The following SEMA6A variants were observed in gnomAD, a reference collection of about 807,000 sequenced individuals.
SEMA6A encodes semaphorin-6A.
In SEMA6A, 25 loss-of-function variants were observed where a neutral mutation model predicts 96.8. The ratio of observed to expected loss-of-function variants is 0.26; its 90% CI spans 0.19 to 0.36. The LOEUF is 0.36. Among genes scored for constraint, SEMA6A ranks in the 10% least tolerant of loss-of-function variants. The probability of loss-of-function intolerance (pLI) is 1.00; values close to 1 mark genes in which losing one functional copy is unlikely to be tolerated. For synonymous variants in SEMA6A, 612 were observed against 518.0 expected (o/e 1.18, Z -2.46); for missense variants, 1,363 against 1,323.1 (o/e 1.03, Z -0.47).
intron 18 of SEMA6A, among the ~76,000 whole-genome samples, chr5:116,456,580 A>C (rs1755024510): frequency 6.6e-6 from 1 of 152,178 alleles, no homozygotes; most frequent in African/African-American, 2.4e-5. Flanking sequence ...CTTGCACCAA[A>C]ACTGCTGAAA....
intron 18 of SEMA6A, among the ~76,000 whole-genome samples, chr5:116,463,140 G>A (rs191004082): frequency 6.6e-6 from 1 of 152,180 alleles, no homozygotes; most frequent in Admixed American, 6.6e-5. Flanking sequence ...AAAAGAGATA[G>A]TAGCAAGTTT....
chr5:116,549,897 C>T (rs77684811), intron 1 of SEMA6A, among the ~76,000 whole-genome samples: 6,992 of 152,172 alleles, frequency 0.046, 557 homozygotes, highest in African/African-American at 0.16. Context: ...CCTGTACGAT[C>T]GGTCACGGCA....
chr5:116,568,848 A>G (rs1203484503), intron 1 of SEMA6A, among the ~76,000 whole-genome samples: 1 of 148,830 alleles, frequency 6.7e-6, no homozygotes, highest in Non-Finnish European at 1.5e-5. Flanking sequence ...ACACACACAC[A>G]TTCATGCATG....
intron 1 of SEMA6A, among the ~76,000 whole-genome samples, chr5:116,537,020 G>A (rs1276315624): frequency 4.6e-5 from 7 of 152,004 alleles, no homozygotes; most frequent in Admixed American, 1.3e-4. Context: ...AAGAATAGGC[G>A]TTCCTTTAAA....
chr5:116,495,568 T>C (rs919579588), intron 5 of SEMA6A, 54 bp from the exon 6 acceptor site: 4 of 1,268,840 alleles, frequency 3.2e-6, no homozygotes, highest in African/African-American at 3.0e-5. Context: ...CAGAAACTGA[T>C]TCTTCACTGT....
chr5:116,515,066 T>C (rs1191411010), intron 1 of SEMA6A, among the ~76,000 whole-genome samples: 1 of 151,980 alleles, frequency 6.6e-6, no homozygotes, highest in Non-Finnish European at 1.5e-5. Flanking sequence ...CCTTAGAGGG[T>C]TGCATGACTG....
intron 1 of SEMA6A, among the ~76,000 whole-genome samples, chr5:116,553,648 C>G (rs1055605499): frequency 6.6e-6 from 1 of 152,096 alleles, no homozygotes; most frequent in Admixed American, 6.5e-5. Context: ...CAATAGTACC[C>G]GGCCTTGGTT....
chr5:116,542,855 G>A (rs539353004), intron 1 of SEMA6A, among the ~76,000 whole-genome samples: 5 of 152,212 alleles, frequency 3.3e-5, no homozygotes, highest in South Asian at 2.1e-4. Flanking sequence ...TCACTTCCCC[G>A]GCCTGGCAAT....
rs764372479 is a variant in SEMA6A, at chr5:116,446,853, C to G, written c.2853G>C (p.Gln951His). ...SSNSSHLSRN[Q>H]SFGRGDNPPP... Reference sequence around the variant, plus strand: ...GCGGGTTGTCTCCCCTGCCAAAGCTCTGGTTTCTGGAGAGGTGAGAGGAAT... The same window carrying G: ...GCGGGTTGTCTCCCCTGCCAAAGCTGTGGTTTCTGGAGAGGTGAGAGGAAT... The change falls in exon 19 of 19, where the codon CAG (glutamine) becomes CAC (histidine). Residue 951 changes from glutamine to histidine, a missense_variant. This residue lies in a region of SEMA6A where 883 missense variants were observed against 763.6 expected (regional missense o/e 1.16). Coordinates refer to ENST00000343348, the MANE Select transcript of SEMA6A (RefSeq NM_020796.5). The G allele has an allele frequency of 2.8e-5, 45 of 1,613,850 alleles. No homozygotes were observed. The highest frequency in any genetic ancestry group is 3.7e-5 in the Non-Finnish European group (44 of 1,179,886).
Position 116,447,545 on chromosome 5 carries a change from C to G in SEMA6A, c.2161G>C (p.Ala721Pro). Reference sequence around the variant, plus strand: ...TTGTGCATGAGTGGCGTGAGGATGGCCTCCGGCTTTGGGTCTTTGGATTGA... The same window carrying G: ...TTGTGCATGAGTGGCGTGAGGATGGGCTCCGGCTTTGGGTCTTTGGATTGA... ...DTQSKDPKPE[A>P]ILTPLMHNGK... The change falls in exon 19 of 19, where the codon GCC becomes CCC. Residue 721 changes from alanine (A) to proline (P), a missense_variant. Ala to Pro is a conservative substitution (Grantham distance 27). This residue lies in a region of SEMA6A where 883 missense variants were observed against 763.6 expected (regional missense o/e 1.16). Transcript: ENST00000343348. The G allele has an allele frequency of 6.2e-7, 1 of 1,614,040 alleles. No individual in the cohort carries two copies. Among genetic ancestry groups the G allele is most frequent in the Non-Finnish European group, 8.5e-7 (1 of 1,179,896 alleles).
At chr5:116,462,797 A>G (rs1486558479) in intron 18 of SEMA6A, among the ~76,000 whole-genome samples, 3 of 152,186 alleles carry the variant, frequency 2.0e-5, no homozygotes, top group African/African-American at 7.2e-5. Context: ...TTCAATTGCT[A>G]CAGTACACAG....
Position 116,443,707 on chromosome 5 carries a change from AT to A in SEMA6A, c.*2905del, listed in dbSNP as rs200460683. 1,048 of 152,728 alleles carry A rather than the reference AT, an allele frequency of 6.9e-3. 8 individuals carry two copies. The highest frequency in any genetic ancestry group is 0.01 in the Middle Eastern group (3 of 294). 9.5% of individuals were successfully genotyped at this position (152,728 alleles called of 1,614,324 possible). On this transcript the variant is annotated 3_prime_UTR_variant, in exon 19 of 19. Coordinates refer to ENST00000343348, the MANE Select transcript of SEMA6A (RefSeq NM_020796.5). ...TAGGGGATGTGGAGATGGAAGGAAA[AT>A]TGGTGACATCACAATATTTTTACAA... is the stretch of plus-strand genomic sequence containing the variant.
In SEMA6A at chr5:116,538,649, A is replaced by G. The variant is rs150128402; in HGVS notation, c.-38-33667T>C. ...TTATCTGTCCTTAAACTCATTATAC[A>G]TTTGTTAGAATGTACTTCTTAGTAG... On this transcript the variant is annotated intron_variant, in intron 1 of 18. Transcript: ENST00000343348. Among the ~76,000 whole-genome samples, 1,515 of 152,290 alleles carry G rather than the reference A, an allele frequency of 9.9e-3. 13 individuals carry two copies. The highest frequency in any genetic ancestry group is 0.014 in the Non-Finnish European group (953 of 68,022).
rs1033599636 is a variant in SEMA6A at position 116,487,336 on chromosome 5, A to C, written c.745-370T>G. On this transcript the variant is annotated intron_variant, in intron 9 of 18. Coordinates refer to ENST00000343348, the MANE Select transcript of SEMA6A (RefSeq NM_020796.5). Reference sequence around the variant, plus strand: ...CTGCCTCTGGGCCCTGAATCTGTGCAAGCCACCCTGGCATTCTATGTTACC... The same window carrying C: ...CTGCCTCTGGGCCCTGAATCTGTGCCAGCCACCCTGGCATTCTATGTTACC... The C allele has an allele frequency of 3.9e-5, 8 of 203,650 alleles. No homozygotes were observed. The East Asian group carries it at 6.8e-4, about 17-fold the overall frequency. 12.6% of individuals were successfully genotyped at this position (203,650 alleles called of 1,614,324 possible). A position where few individuals can be genotyped will look rare whatever the true frequency, so the allele number is the denominator to read the frequency against.
intron 1 of SEMA6A, among the ~76,000 whole-genome samples, chr5:116,559,307 G>A (rs1760718864): frequency 6.6e-6 from 1 of 152,180 alleles, no homozygotes; most frequent in Admixed American, 6.5e-5. Context: ...TCCCTCCTCA[G>A]GCCCAGTCCG....
intron 6 of SEMA6A, among the ~76,000 whole-genome samples, chr5:116,492,732 G>C (rs1757388293): frequency 6.6e-6 from 1 of 152,140 alleles, no homozygotes; most frequent in African/African-American, 2.4e-5. Flanking sequence ...ATGGTAGAGA[G>C]GCAGATACTG....
intron 1 of SEMA6A, among the ~76,000 whole-genome samples, chr5:116,524,795 C>G (rs559579944): frequency 6.6e-6 from 1 of 152,204 alleles, no homozygotes; most frequent in South Asian, 2.1e-4. Context: ...CACAGACACA[C>G]ACACACACAC....
chr5:116,565,780 A>C (rs542127694), intron 1 of SEMA6A, among the ~76,000 whole-genome samples: 47 of 152,338 alleles, frequency 3.1e-4, no homozygotes, highest in African/African-American at 1.1e-3. Context: ...GAGGAGGGAC[A>C]GTTGTTGAAT....
chr5:116,541,991 G>T (rs1246760001), intron 1 of SEMA6A, among the ~76,000 whole-genome samples: 2 of 152,152 alleles, frequency 1.3e-5, no homozygotes, highest in Non-Finnish European at 2.9e-5. Context: ...TCATATCTTG[G>T]CAAATACATT....
Sources: allele counts gnomAD v4.1 joint callset (sites outside exome capture counted in the v4.1 genomes callset), GRCh38; gene constraint gnomAD v4.1.1; regional missense constraint gnomAD v4.1.1; transcripts MANE v1.5; gene names NCBI Gene and HGNC (gene_info 2026-07-23, HGNC 2026-07-21).